RPRD1A: variants seen among roughly 807,000 people sequenced by gnomAD.
RPRD1A encodes the protein regulation of nuclear pre-mRNA domain containing 1A.
In RPRD1A, 9 loss-of-function variants were observed where a neutral mutation model predicts 37.8. The observed-to-expected ratio is 0.24, with a 90% CI of 0.14 to 0.42. RPRD1A has a LOEUF of 0.42. RPRD1A is among the 10% of genes least tolerant of loss of function. The pLI is 1.00. For missense variants in RPRD1A, 255 were observed against 371.0 expected (o/e 0.69, Z 2.57); for synonymous variants, 138 against 139.7 (o/e 0.99, Z 0.08).
intron 1 of RPRD1A, among the ~76,000 whole-genome samples, chr18:36,048,055 A>ACC (rs1211710128): frequency 6.8e-6 from 1 of 146,248 alleles, no homozygotes; most frequent in Non-Finnish European, 1.5e-5. Context: ...ATACAGATGT[A>ACC]CCCATTCCTT....
chr18:36,015,303 C>G (rs959537133), intron 6 of RPRD1A, among the ~76,000 whole-genome samples: 17 of 151,862 alleles, frequency 1.1e-4, no homozygotes, highest in Admixed American at 1.1e-3. Flanking sequence ...ACCTCAGCCT[C>G]CCGGGTTCAA....
chr18:36,002,826 T>C (rs748925524), intron 6 of RPRD1A, among the ~76,000 whole-genome samples: 5 of 152,174 alleles, frequency 3.3e-5, no homozygotes, highest in African/African-American at 4.8e-5. Context: ...AACAAGTCAA[T>C]AGTTTAAGGT....
chr18:36,029,121 C>T (rs1911581514), intron 4 of RPRD1A, among the ~76,000 whole-genome samples: 1 of 152,184 alleles, frequency 6.6e-6, no homozygotes, highest in African/African-American at 2.4e-5. Context: ...AAGCTCTTGT[C>T]CATAGTGGCC....
chr18:36,067,465 C>T lies in RPRD1A; in HGVS notation c.-61G>A. On this transcript the variant is annotated 5_prime_UTR_variant, in exon 1 of 7. Transcript: ENST00000399022. ...GGGGCCGAGGGGAGGAGAGTTTCGC[C>T]GCCCTAGCTGCGGCCTCGCCCCCTC... The T allele has an allele frequency of 3.3e-6, 5 of 1,530,722 alleles. No individual in the cohort carries two copies. The highest frequency in any genetic ancestry group is 3.9e-5 in the Admixed American group (2 of 51,476). 94.8% of individuals were successfully genotyped at this position (1,530,722 alleles called of 1,614,324 possible). A position where few individuals can be genotyped will look rare whatever the true frequency, so the allele number is the denominator to read the frequency against.
intron 1 of RPRD1A, among the ~76,000 whole-genome samples, chr18:36,040,584 A>C (rs954601054): frequency 2.0e-5 from 3 of 152,328 alleles, no homozygotes; most frequent in African/African-American, 7.2e-5. Flanking sequence ...GGATACCCTG[A>C]GGTACGTCAT....
At position 36,034,534 on chromosome 18, in the gene RPRD1A, T is replaced by C. The variant is rs114226866; in HGVS notation, c.152-697A>G. 6.3e-3 allele frequency among the ~76,000 whole-genome samples: 964 copies of C among 152,332 alleles called. 20 individuals carry two copies. The highest frequency in any genetic ancestry group is 0.022 in the African/African-American group (918 of 41,586). On this transcript the variant is annotated intron_variant, in intron 1 of 6. Transcript: ENST00000399022. ...CTGGTTACAATGTTAAATAGCATACTACTACTGAATATGACTCAAATAAGA... is the reference window on the plus strand; with the variant it reads ...CTGGTTACAATGTTAAATAGCATACCACTACTGAATATGACTCAAATAAGA...
intron 1 of RPRD1A, among the ~76,000 whole-genome samples, chr18:36,048,955 G>T (rs1384273338): frequency 1.3e-5 from 2 of 152,220 alleles, no homozygotes; most frequent in Non-Finnish European, 2.9e-5. Context: ...AGGCTGGAGT[G>T]CAGTGGCATG....
intron 1 of RPRD1A, among the ~76,000 whole-genome samples, chr18:36,049,665 T>C (rs1428048229): frequency 6.6e-6 from 1 of 152,238 alleles, no homozygotes. Context: ...TAAGGCTGAA[T>C]GATTCTGCTG....
intron 1 of RPRD1A, among the ~76,000 whole-genome samples, chr18:36,058,462 T>C (rs945000646): frequency 4.6e-5 from 7 of 152,230 alleles, no homozygotes; most frequent in Admixed American, 3.9e-4. Context: ...CACACTTTTA[T>C]TTTTATAAGA....
intron 1 of RPRD1A, among the ~76,000 whole-genome samples, chr18:36,042,755 C>A (rs1157302885): frequency 6.6e-6 from 1 of 152,120 alleles, no homozygotes; most frequent in African/African-American, 2.4e-5. Flanking sequence ...ACTAGAGTGA[C>A]CAAGACTAAA....
chr18:36,043,540 A>G (rs537231784), intron 1 of RPRD1A, among the ~76,000 whole-genome samples: 1 of 152,236 alleles, frequency 6.6e-6, no homozygotes, highest in Non-Finnish European at 1.5e-5. Context: ...ATGAATTATA[A>G]AAGTCCTGAG....
intron 1 of RPRD1A, among the ~76,000 whole-genome samples, chr18:36,055,491 A>C (rs998905073): frequency 6.6e-6 from 1 of 152,212 alleles, no homozygotes; most frequent in Non-Finnish European, 1.5e-5. Context: ...GCATTTCATG[A>C]TACTCTTTAG....
At chr18:36,008,569 T>TTGTGTGTGTGTGTGTG (rs138413588) in intron 6 of RPRD1A, among the ~76,000 whole-genome samples, 3 of 56,080 alleles carry the variant, frequency 5.3e-5, no homozygotes, top group East Asian at 4.0e-4. Context: ...CAGCAAGACC[T>TTGTGTGTGTGTGTGTG]TGTGTGTGTA....
chr18:36,026,909 A>G lies in RPRD1A; in HGVS notation c.780T>C (p.His260=). 6.2e-7 allele frequency: 1 copy of G among 1,613,350 alleles called. No homozygotes were observed. The highest frequency in any genetic ancestry group is 8.5e-7 in the Non-Finnish European group (1 of 1,179,440). Residue 260 remains histidine, a synonymous_variant, in exon 6 of 7, where the codon CAT becomes CAC. Coordinates refer to ENST00000399022, the MANE Select transcript of RPRD1A (RefSeq NM_018170.5). ...CQKEALAEKE[H]KLEEYKRKLA... ...GAAAAAGGTTACGCACTTCCAATTT[A>G]TGCTCTTTCTCTGCAAGGGCTTCCT...
At chr18:36,000,023 G>C (rs1023475482) in intron 6 of RPRD1A, among the ~76,000 whole-genome samples, 1 of 152,078 alleles carries the variant, frequency 6.6e-6, no homozygotes, top group Non-Finnish European at 1.5e-5. Context: ...ATTAACTGAA[G>C]TATTAATCAA....
intron 1 of RPRD1A, among the ~76,000 whole-genome samples, chr18:36,042,118 CT>C (rs1912625034): frequency 6.6e-6 from 1 of 152,214 alleles, no homozygotes; most frequent in African/African-American, 2.4e-5. Context: ...TTACACTACT[CT>C]TTTCCAACAC....
intron 4 of RPRD1A, 52 bp downstream of exon 4, chr18:36,030,756 T>C (rs2144290807): frequency 9.3e-7 from 1 of 1,073,320 alleles, no homozygotes; most frequent in East Asian, 2.4e-5. Context: ...TAAAGCTTGG[T>C]GGCAACATGA....
At chr18:36,053,530 C>T (rs1052683110) in intron 1 of RPRD1A, among the ~76,000 whole-genome samples, 7 of 152,134 alleles carry the variant, frequency 4.6e-5, no homozygotes, top group African/African-American at 1.7e-4. Flanking sequence ...AATATTCCAG[C>T]GTGTGGATAT....
intron 6 of RPRD1A, among the ~76,000 whole-genome samples, chr18:35,998,906 C>A (rs2144150349): frequency 6.6e-6 from 1 of 152,306 alleles, no homozygotes; most frequent in African/African-American, 2.4e-5. Flanking sequence ...CTTGTGTGCA[C>A]TGCAAGTGGG....
Sources: gnomAD v4.1 joint callset for allele counts (sites outside exome capture counted in the v4.1 genomes callset) on GRCh38, gnomAD v4.1.1 for gene constraint, MANE v1.5 for transcripts, NCBI Gene and HGNC (gene_info 2026-07-23, HGNC 2026-07-21) for gene names.